Variants in DCC observed in about 807,000 individuals in gnomAD.
DCC encodes the protein netrin receptor DCC.
A neutral mutation model predicts 172.5 loss-of-function variants in DCC; 58 were observed. That is an observed-to-expected ratio of 0.34 (90% CI 0.27 to 0.42). The LOEUF (loss-of-function observed/expected upper bound fraction) is 0.42. DCC is among the 10% of genes least tolerant of loss of function. The probability of loss-of-function intolerance (pLI) is 1.00; values close to 1 mark genes in which losing one functional copy is unlikely to be tolerated. For missense variants in DCC, 1,740 were observed against 1,791.0 expected (o/e 0.97, Z 0.51); for synonymous variants, 709 against 644.5 (o/e 1.10, Z -1.52).
chr18:53,514,261 A>G (rs2046303699), intron 27 of DCC, among the ~76,000 whole-genome samples: 1 of 152,266 alleles, frequency 6.6e-6, no homozygotes, highest in African/African-American at 2.4e-5. Context: ...AACGAGAACA[A>G]AGACACAACA....
At chr18:53,068,896 G>A (rs2042613684) in intron 7 of DCC, among the ~76,000 whole-genome samples, 1 of 151,866 alleles carries the variant, frequency 6.6e-6, no homozygotes, top group Admixed American at 6.6e-5. Context: ...CCTGCCCCCA[G>A]TGTCTGAGGA....
chr18:53,506,072 G>A (rs896530254), intron 27 of DCC, among the ~76,000 whole-genome samples: 1 of 152,126 alleles, frequency 6.6e-6, no homozygotes, highest in African/African-American at 2.4e-5. Context: ...ACTTTGACCA[G>A]CATTACCAAT....
At chr18:52,932,297 T>C (rs1436020490) in intron 5 of DCC, among the ~76,000 whole-genome samples, 1 of 152,112 alleles carries the variant, frequency 6.6e-6, no homozygotes, top group Non-Finnish European at 1.5e-5. Context: ...CCCCAACTTT[T>C]ACCCAGCTCC....
intron 2 of DCC, among the ~76,000 whole-genome samples, chr18:52,843,671 CAT>C (rs1659578876): frequency 6.6e-6 from 1 of 152,108 alleles, no homozygotes; most frequent in South Asian, 2.1e-4. Flanking sequence ...TTTTTAAAAA[CAT>C]ATATTGTATT....
chr18:52,587,742 C>T (rs777508717), intron 1 of DCC, among the ~76,000 whole-genome samples: 5 of 152,180 alleles, frequency 3.3e-5, no homozygotes, highest in Non-Finnish European at 7.3e-5. Flanking sequence ...TGTAGTGCTG[C>T]AGCTGTCCAC....
intron 5 of DCC, among the ~76,000 whole-genome samples, chr18:52,968,477 A>T (rs75966032): frequency 0.065 from 9,952 of 152,154 alleles, 426 homozygotes; most frequent in South Asian, 0.15. Context: ...CTCTCTTGTT[A>T]TCTTGGCTCT....
intron 1 of DCC, among the ~76,000 whole-genome samples, chr18:52,667,587 A>G (rs17828903): frequency 0.022 from 3,372 of 152,218 alleles, 67 homozygotes; most frequent in East Asian, 0.092. Context: ...AGAACAATTT[A>G]TCCATGACAG....
chr18:53,259,242 A>G (rs570808597), intron 12 of DCC, among the ~76,000 whole-genome samples: 1 of 152,180 alleles, frequency 6.6e-6, no homozygotes, highest in Non-Finnish European at 1.5e-5. Flanking sequence ...TGTGAATTTG[A>G]TCCTGTCATT....
intron 1 of DCC, among the ~76,000 whole-genome samples, chr18:52,495,878 G>A (rs1052468321): frequency 5.9e-5 from 9 of 151,700 alleles, no homozygotes; most frequent in Non-Finnish European, 1.2e-4. Flanking sequence ...CTGGCTGTCC[G>A]ATGCAATCTT....
intron 12 of DCC, among the ~76,000 whole-genome samples, chr18:53,219,463 C>T (rs2055898959): frequency 6.6e-6 from 1 of 152,078 alleles, no homozygotes; most frequent in Admixed American, 6.6e-5. Context: ...CCCCTTTCCC[C>T]CCAAAACCCC....
chr18:53,235,317 T>C (rs2056184717), intron 12 of DCC, among the ~76,000 whole-genome samples: 1 of 152,206 alleles, frequency 6.6e-6, no homozygotes, highest in African/African-American at 2.4e-5. Context: ...ATTATTTCCA[T>C]GGAAGCCTGT....
intron 2 of DCC, among the ~76,000 whole-genome samples, chr18:52,773,429 C>A (rs577302982): frequency 6.6e-6 from 1 of 152,062 alleles, no homozygotes; most frequent in African/African-American, 2.4e-5. Flanking sequence ...TTAGTTTCCC[C>A]AACAATACTG....
intron 1 of DCC, among the ~76,000 whole-genome samples, chr18:52,598,235 T>G (rs1179780273): frequency 6.6e-6 from 1 of 152,200 alleles, no homozygotes; most frequent in Non-Finnish European, 1.5e-5. Context: ...TTGCAAAGCA[T>G]TATACTAAAT....
intron 25 of DCC, among the ~76,000 whole-genome samples, chr18:53,469,623 T>A (rs1053124183): frequency 1.3e-5 from 2 of 152,294 alleles, no homozygotes; most frequent in East Asian, 3.9e-4. Context: ...TAGGGACTCT[T>A]CTGTAATTAC....
intron 5 of DCC, among the ~76,000 whole-genome samples, chr18:52,966,716 G>A (rs1053370083): frequency 5.9e-5 from 9 of 152,156 alleles, no homozygotes; most frequent in African/African-American, 1.9e-4. Context: ...GTGATCTCAC[G>A]ATGGGAATCA....
At chr18:53,526,116 A>AATG (rs1468655943) in intron 27 of DCC, among the ~76,000 whole-genome samples, 2 of 136,162 alleles carry the variant, frequency 1.5e-5, no homozygotes, top group African/African-American at 2.9e-5. Flanking sequence ...TAGAATTAAA[A>AATG]ATGATAGTCT....
intron 2 of DCC, among the ~76,000 whole-genome samples, chr18:52,833,906 C>T (rs745419197): frequency 6.6e-6 from 1 of 152,140 alleles, no homozygotes; most frequent in Non-Finnish European, 1.5e-5. Context: ...TCAAGCAATT[C>T]TCCGGCTTCG....
intron 7 of DCC, among the ~76,000 whole-genome samples, chr18:53,071,813 C>T (rs2042655106): frequency 6.6e-6 from 1 of 152,070 alleles, no homozygotes; most frequent in South Asian, 2.1e-4. Context: ...AGTGAATAGT[C>T]TAGCAAAAAA....
At chr18:52,546,684 A>T (rs1598903895) in intron 1 of DCC, among the ~76,000 whole-genome samples, 1 of 151,952 alleles carries the variant, frequency 6.6e-6, no homozygotes, top group African/African-American at 2.4e-5. Flanking sequence ...CATCATCATC[A>T]TCATCATCCC....
Sources: allele counts gnomAD v4.1 joint callset (sites outside exome capture counted in the v4.1 genomes callset), GRCh38; gene constraint gnomAD v4.1.1; transcripts MANE v1.5; gene names NCBI Gene and HGNC (gene_info 2026-07-23, HGNC 2026-07-21).